CACNA2D4: variants seen among roughly 807,000 people sequenced by gnomAD.
CACNA2D4 encodes the protein voltage-dependent calcium channel subunit alpha-2/delta-4.
CACNA2D4 carries 157 observed loss-of-function variants against 163.8 expected under a neutral mutation model. The ratio of observed to expected loss-of-function variants is 0.96; its 90% CI spans 0.84 to 1.09. The LOEUF (loss-of-function observed/expected upper bound fraction) is 1.09, where lower values mean the gene tolerates loss of function less well. Among genes scored for constraint, CACNA2D4 ranks in the 50% least tolerant of loss-of-function variants. The pLI is 0.00. For missense variants in CACNA2D4, 1,410 were observed against 1,479.9 expected, an observed-to-expected ratio of 0.95 and a Z score of 0.78; for synonymous variants, 598 against 586.9, an observed-to-expected ratio of 1.02 and a Z score of -0.27.
At chr12:1,841,636 T>C (rs1009214946) in intron 25 of CACNA2D4, among the ~76,000 whole-genome samples, 2 of 152,324 alleles carry the variant, frequency 1.3e-5, no homozygotes, top group Admixed American at 1.3e-4. Context: ...GCAGGTCAAA[T>C]GCAGACTCAA....
chr12:1,858,042 C>T (rs1039484878), intron 20 of CACNA2D4, among the ~76,000 whole-genome samples: 2 of 152,136 alleles, frequency 1.3e-5, no homozygotes, highest in Non-Finnish European at 1.5e-5. Context: ...AAGAGGTGAG[C>T]GAGGACTCCC....
At chr12:1,880,729 T>C (rs1420524476) in intron 13 of CACNA2D4, among the ~76,000 whole-genome samples, 1 of 152,268 alleles carries the variant, frequency 6.6e-6, no homozygotes, top group East Asian at 1.9e-4. Context: ...TCTCATCTCA[T>C]CTGAGTTTTC....
chr12:1,822,517 C>G (rs901434837), intron 26 of CACNA2D4, among the ~76,000 whole-genome samples: 3 of 152,166 alleles, frequency 2.0e-5, no homozygotes, highest in African/African-American at 7.2e-5. Flanking sequence ...GACACCTTAG[C>G]CTCCTTCATG....
At chr12:1,855,677 A>G (rs1865383700) in intron 22 of CACNA2D4, among the ~76,000 whole-genome samples, 1 of 152,228 alleles carries the variant, frequency 6.6e-6, no homozygotes, top group African/African-American at 2.4e-5. Context: ...ACTTCTAGAC[A>G]GTGGTAGGGA....
intron 6 of CACNA2D4, among the ~76,000 whole-genome samples, chr12:1,890,530 C>G (rs554368647): frequency 2.6e-5 from 4 of 152,356 alleles, no homozygotes; most frequent in African/African-American, 9.6e-5. Context: ...CTGCTGCCAA[C>G]AGGGATGAAG....
At chr12:1,845,244 A>T (rs900691238) in intron 24 of CACNA2D4, among the ~76,000 whole-genome samples, 2 of 151,892 alleles carry the variant, frequency 1.3e-5, no homozygotes, top group African/African-American at 4.8e-5. Context: ...AGCCCCTGGG[A>T]GTGCTCGCAG....
intron 2 of CACNA2D4, among the ~76,000 whole-genome samples, chr12:1,914,174 T>A (rs901022317): frequency 6.6e-6 from 1 of 152,120 alleles, no homozygotes; most frequent in Non-Finnish European, 1.5e-5. Flanking sequence ...CTTTGTGATA[T>A]GGAAAAGGTG....
In CACNA2D4 at chr12:1,907,952, G is replaced by A; in HGVS notation, c.572C>T (p.Ser191Phe). Reference sequence around the variant, plus strand: ...CGGCAGGTTGCTGAAGTGAGCATTGGACTCCAGGAGGAACTCGGCGCCCAG... The same window carrying A: ...CGGCAGGTTGCTGAAGTGAGCATTGAACTCCAGGAGGAACTCGGCGCCCAG... ...VELGAEFLLE[S>F]NAHFSNLPVN... Residue 191 changes from serine (S) to phenylalanine (F), a missense_variant, in exon 5 of 38, where the codon TCC becomes TTC. Transcript: ENST00000382722. 6.2e-7 allele frequency: 1 copy of A among 1,614,040 alleles called. No homozygotes were observed. The highest frequency in any genetic ancestry group is 1.1e-5 in the South Asian group (1 of 91,090).
At chr12:1,821,429 C>T (rs1864095490) in intron 26 of CACNA2D4, among the ~76,000 whole-genome samples, 1 of 152,210 alleles carries the variant, frequency 6.6e-6, no homozygotes, top group South Asian at 2.1e-4. Context: ...GTGCATGAAG[C>T]CTCCCTGGTG....
chr12:1,860,713 G>A (rs1292046420), intron 18 of CACNA2D4, among the ~76,000 whole-genome samples: 1 of 152,160 alleles, frequency 6.6e-6, no homozygotes, highest in Non-Finnish European at 1.5e-5. Flanking sequence ...AAGACACCCA[G>A]GGAGAAGGGG....
intron 18 of CACNA2D4, among the ~76,000 whole-genome samples, chr12:1,864,870 G>T (rs76657028): frequency 2.0e-5 from 3 of 152,222 alleles, no homozygotes; most frequent in Admixed American, 1.3e-4. Flanking sequence ...GGGGTCTCTG[G>T]GGTCAGGAAG....
intron 27 of CACNA2D4, 106 bp from the exon 28 acceptor site, chr12:1,810,693 G>T: frequency 8.7e-7 from 1 of 1,146,520 alleles, no homozygotes; most frequent in Non-Finnish European, 1.3e-6. Flanking sequence ...GTGTGTGCAT[G>T]TGTGCATGGG....
At chr12:1,827,894 C>G (rs956183004) in intron 26 of CACNA2D4, 1 of 400,014 alleles carries the variant, frequency 2.5e-6, no homozygotes, top group Non-Finnish European at 4.4e-6. Flanking sequence ...GCCTGCCCCG[C>G]CCCCATCCCA....
At chr12:1,831,082 C>T in intron 26 of CACNA2D4, 2 of 1,614,058 alleles carry the variant, frequency 1.2e-6, no homozygotes, top group Non-Finnish European at 1.7e-6. Context: ...GCCACCCGAA[C>T]CCTCTTGCTC....
At position 1,884,173 on chromosome 12, in the gene CACNA2D4, C is replaced by G. The variant is rs1011840252; in HGVS notation, c.1351+70G>C. 3 of 1,449,028 alleles carry G rather than the reference C, an allele frequency of 2.1e-6. No individual in the cohort carries two copies. In the South Asian group the frequency reaches 3.6e-5, roughly 17 times the overall value. 89.8% of individuals were successfully genotyped at this position (1,449,028 alleles called of 1,614,324 possible). The stretch of plus-strand genomic sequence containing the variant: ...ATGGGGAAGCCCGTGCTCAGCACTT[C>G]CAGGGCTGGGTAACCCTGTCTCCTG... On this transcript the variant is annotated intron_variant, in intron 12 of 37. Coordinates refer to ENST00000382722, the MANE Select transcript of CACNA2D4 (RefSeq NM_172364.5).
At chr12:1,797,102 A>G (rs990412630) in intron 35 of CACNA2D4, among the ~76,000 whole-genome samples, 3 of 152,178 alleles carry the variant, frequency 2.0e-5, no homozygotes, top group Non-Finnish European at 4.4e-5. Context: ...TCGCCCAGAG[A>G]CGCCGTGGGG....
chr12:1,914,017 C>G (rs1866898361), intron 2 of CACNA2D4, among the ~76,000 whole-genome samples: 1 of 152,252 alleles, frequency 6.6e-6, no homozygotes, highest in Non-Finnish European at 1.5e-5. Context: ...CCTCAGCTGT[C>G]ATCGCTACAG....
intron 14 of CACNA2D4, among the ~76,000 whole-genome samples, chr12:1,879,443 G>A (rs1341257359): frequency 6.6e-6 from 1 of 152,146 alleles, no homozygotes. Flanking sequence ...CCTCACCAGA[G>A]GCCTTTACAG....
intron 26 of CACNA2D4, chr12:1,822,182 T>C (rs918363800): frequency 1.3e-5 from 2 of 152,018 alleles, no homozygotes; most frequent in African/African-American, 4.8e-5. Flanking sequence ...CTGGTGTCTT[T>C]GGGGTTTGAC....
Sources: gnomAD v4.1 joint callset for allele counts (sites outside exome capture counted in the v4.1 genomes callset) on GRCh38, gnomAD v4.1.1 for gene constraint, MANE v1.5 for transcripts, NCBI Gene and HGNC (gene_info 2026-07-23, HGNC 2026-07-21) for gene names.